Variants in CFAP299 observed in about 807,000 individuals in gnomAD.
CFAP299 encodes cilia and flagella associated protein 299.
Under a neutral mutation model 27.0 loss-of-function variants are expected in CFAP299, and 21 were observed. The observed-to-expected ratio is 0.78, with a 90% confidence interval of 0.55 to 1.12. The LOEUF is 1.12. CFAP299 is among the 50% of genes most tolerant of loss of function. The pLI is 0.00. For missense variants in CFAP299, 310 were observed against 276.6 expected (o/e 1.12, Z -0.86); for synonymous variants, 104 against 98.1 (o/e 1.06, Z -0.36).
chr4:80,467,909 A>T (rs1252367466), intron 2 of CFAP299, among the ~76,000 whole-genome samples: 1 of 152,124 alleles, frequency 6.6e-6, no homozygotes, highest in African/African-American at 2.4e-5. Flanking sequence ...AAACCATCAG[A>T]TCTCATGAGA....
intron 3 of CFAP299, among the ~76,000 whole-genome samples, chr4:80,614,506 G>A (rs989509696): frequency 3.9e-5 from 6 of 152,186 alleles, no homozygotes; most frequent in East Asian, 1.9e-4. Context: ...TTTGCAAGGC[G>A]GGAAAGCACC....
intron 5 of CFAP299, among the ~76,000 whole-genome samples, chr4:80,960,885 T>C (rs187183504): frequency 1.3e-5 from 2 of 151,864 alleles, no homozygotes; most frequent in East Asian, 3.9e-4. Context: ...TTAACAGGAC[T>C]CAAAACAAAC....
rs567890550 is a variant in CFAP299 at position 80,898,019 on chromosome 4, C to T, written c.476+27884C>T. Among the ~76,000 whole-genome samples the T allele has an allele frequency of 4.6e-5, 7 of 152,148 alleles. No individual in the cohort carries two copies. In the South Asian group the frequency reaches 1.5e-3, roughly 32 times the overall value. On this transcript the variant is annotated intron_variant, in intron 4 of 5. Transcript: ENST00000358105. ...TGGCAGGAGCAAACTCCATGTGGGG[C>T]CTCATGACAGTGTCCAGTGGGGTGC...
At chr4:80,736,585 G>A (rs1224027941) in intron 3 of CFAP299, among the ~76,000 whole-genome samples, 1 of 152,116 alleles carries the variant, frequency 6.6e-6, no homozygotes, top group Non-Finnish European at 1.5e-5. Flanking sequence ...CTGGCCATCA[G>A]AGAAATGCAA....
intron 1 of CFAP299, among the ~76,000 whole-genome samples, chr4:80,359,829 C>T (rs1170311428): frequency 6.6e-6 from 1 of 152,074 alleles, no homozygotes; most frequent in African/African-American, 2.4e-5. Flanking sequence ...CTGTCATTTC[C>T]GCCATCTCAG....
At chr4:80,909,379 G>A (rs1270510773) in intron 4 of CFAP299, among the ~76,000 whole-genome samples, 2 of 151,862 alleles carry the variant, frequency 1.3e-5, no homozygotes, top group African/African-American at 4.8e-5. Flanking sequence ...TAATTATAAT[G>A]ACAATGTAAA....
chr4:80,406,553 A>T (rs1054177773), intron 2 of CFAP299, among the ~76,000 whole-genome samples: 1 of 151,940 alleles, frequency 6.6e-6, no homozygotes, highest in Non-Finnish European at 1.5e-5. Flanking sequence ...TTTTTTAGAG[A>T]TGAGGTCTCA....
chr4:80,675,163 A>G (rs190653960), intron 3 of CFAP299, among the ~76,000 whole-genome samples: 51 of 152,152 alleles, frequency 3.4e-4, no homozygotes, highest in African/African-American at 1.1e-3. Context: ...TTGTGGTTTT[A>G]TCTATCTTTG....
chr4:80,482,462 T>C (rs1730613170), intron 2 of CFAP299, among the ~76,000 whole-genome samples: 3 of 152,138 alleles, frequency 2.0e-5, no homozygotes, highest in Non-Finnish European at 4.4e-5. Flanking sequence ...CTTGATAAAA[T>C]ATCTTGGCAT....
the CFAP299 span, among the ~76,000 whole-genome samples, chr4:80,328,256 A>C: frequency 1.3e-5 from 2 of 152,186 alleles, no homozygotes; most frequent in Admixed American, 6.5e-5. Flanking sequence ...AAAGGAGCTC[A>C]CTTGTTTTAA....
chr4:80,930,779 C>T (rs549910906), intron 4 of CFAP299, among the ~76,000 whole-genome samples: 1 of 152,272 alleles, frequency 6.6e-6, no homozygotes, highest in African/African-American at 2.4e-5. Flanking sequence ...AGTTTCTCAA[C>T]AGCAGGCAAT....
At chr4:80,521,068 C>A (rs1732884847) in intron 2 of CFAP299, among the ~76,000 whole-genome samples, 1 of 152,042 alleles carries the variant, frequency 6.6e-6, no homozygotes. Context: ...ACAATGACAT[C>A]AAATATGTAG....
chr4:80,488,994 A>G (rs1730978270), intron 2 of CFAP299, among the ~76,000 whole-genome samples: 1 of 152,144 alleles, frequency 6.6e-6, no homozygotes, highest in Non-Finnish European at 1.5e-5. Context: ...GTACTGATTC[A>G]CCTTTAGTGT....
At chr4:80,520,274 T>C (rs1018848589) in intron 2 of CFAP299, among the ~76,000 whole-genome samples, 1 of 152,156 alleles carries the variant, frequency 6.6e-6, no homozygotes, top group African/African-American at 2.4e-5. Context: ...CTGGATTCAT[T>C]TTATCTCCTC....
At chr4:80,714,942 A>G (rs1722392898) in intron 3 of CFAP299, among the ~76,000 whole-genome samples, 1 of 152,066 alleles carries the variant, frequency 6.6e-6, no homozygotes, top group South Asian at 2.1e-4. Flanking sequence ...CTGACACATG[A>G]CAATTTCTTA....
At chr4:80,673,042 C>T in intron 3 of CFAP299, among the ~76,000 whole-genome samples, 1 of 150,890 alleles carries the variant, frequency 6.6e-6, no homozygotes. Context: ...TATTTCTTGC[C>T]TTCTGCTAGC....
chr4:80,344,003 A>G (rs969175069), intron 1 of CFAP299, among the ~76,000 whole-genome samples: 1 of 152,120 alleles, frequency 6.6e-6, no homozygotes, highest in African/African-American at 2.4e-5. Flanking sequence ...AGCAGTGTGA[A>G]GAGAGAAATT....
chr4:80,871,472 T>C (rs552568232), intron 4 of CFAP299: 9 of 985,442 alleles, frequency 9.1e-6, no homozygotes, highest in African/African-American at 8.7e-5. Flanking sequence ...CCAAACTCAA[T>C]TGAGTCCTTT....
At chr4:80,819,885 A>G (rs1454880632) in intron 3 of CFAP299, among the ~76,000 whole-genome samples, 1 of 152,166 alleles carries the variant, frequency 6.6e-6, no homozygotes, top group African/African-American at 2.4e-5. Flanking sequence ...TTTTCATAAG[A>G]TTAGTTCTAA....
Sources: allele counts gnomAD v4.1 joint callset (sites outside exome capture counted in the v4.1 genomes callset), GRCh38; gene constraint gnomAD v4.1.1; transcripts MANE v1.5; gene names NCBI Gene and HGNC (gene_info 2026-07-23, HGNC 2026-07-21).